MPV17L: variants seen among roughly 807,000 people sequenced by gnomAD.
The protein encoded by MPV17L is mpv17-like protein.
Under a neutral mutation model 25.8 loss-of-function variants are expected in MPV17L, and 24 were observed. The observed-to-expected ratio is 0.93, with a 90% CI of 0.67 to 1.31. The LOEUF (loss-of-function observed/expected upper bound fraction) is 1.31, where lower values mean the gene tolerates loss of function less well. Among genes scored for constraint, MPV17L ranks in the 50% most tolerant of loss-of-function variants. The pLI, the probability that MPV17L is intolerant of heterozygous loss-of-function variation, is 0.00. For synonymous variants in MPV17L, 102 were observed against 115.3 expected (o/e 0.88, Z 0.74); for missense variants, 250 against 265.6 (o/e 0.94, Z 0.41).
chr16:15,395,882 C>A lies in MPV17L; in HGVS notation c.-16C>A, dbSNP rs1451954342. The A allele has an allele frequency of 7.2e-7, 1 of 1,386,908 alleles. No individual in the cohort carries two copies. The highest frequency in any genetic ancestry group is 3.9e-5 in the Admixed American group (1 of 25,602). 85.9% of individuals were successfully genotyped at this position (1,386,908 alleles called of 1,614,324 possible). ...GACCACGCGGGCTCCTGATCGCGGGCGCCCACAGCGCGGACATGGCGGGCT... is the reference window on the plus strand; with the variant it reads ...GACCACGCGGGCTCCTGATCGCGGGAGCCCACAGCGCGGACATGGCGGGCT... On this transcript the variant is annotated 5_prime_UTR_variant, in exon 1 of 4. Coordinates refer to ENST00000396385, the MANE Select transcript of MPV17L (RefSeq NM_001128423.2).
intron 2 of MPV17L, among the ~76,000 whole-genome samples, chr16:15,401,076 ATATATATATATTTTTTT>A (rs1701937925): frequency 3.2e-5 from 1 of 31,288 alleles, no homozygotes; most frequent in African/African-American, 8.1e-5. Flanking sequence ...ATATATATAT[ATATATATATATTTTTTT>A]TTTTTTTTTT....
intron 2 of MPV17L, among the ~76,000 whole-genome samples, chr16:15,401,291 T>A (rs1164564938): frequency 6.6e-6 from 1 of 150,852 alleles, no homozygotes; most frequent in Admixed American, 6.6e-5. Flanking sequence ...TATTTTTAAA[T>A]TTTTTGGTAG....
In MPV17L at chr16:15,400,759, T is replaced by A. The variant is rs149330980; in HGVS notation, c.311-28T>A. 1,287 of 1,542,242 alleles carry A rather than the reference T, an allele frequency of 8.3e-4. 6 individuals are homozygous for A. In the African/African-American group the frequency reaches 8.4e-3, roughly 10 times the overall value. On this transcript the variant is annotated intron_variant, in intron 1 of 3. Coordinates refer to ENST00000396385, the MANE Select transcript of MPV17L (RefSeq NM_001128423.2). Reference sequence around the variant, plus strand: ...TTATACGGTACTCTACTGAATCTTTTAAAATTTTTTTTGGGTTTTGCAAAT... The same window carrying A: ...TTATACGGTACTCTACTGAATCTTTAAAAATTTTTTTTGGGTTTTGCAAAT...
intron 2 of MPV17L, among the ~76,000 whole-genome samples, chr16:15,403,462 CAGG>C (rs2050656477): frequency 6.6e-6 from 1 of 151,216 alleles, no homozygotes; most frequent in Non-Finnish European, 1.5e-5. Flanking sequence ...CACTAGAGCC[CAGG>C]AGTTTGAGAC....
chr16:15,405,861 G>A (rs1362302362), intron 2 of MPV17L, among the ~76,000 whole-genome samples: 2 of 151,288 alleles, frequency 1.3e-5, no homozygotes, highest in Admixed American at 6.6e-5. Flanking sequence ...CAACAAGAGC[G>A]AAACTCCGTC....
At chr16:15,401,045 TG>T (rs2050630429) in intron 2 of MPV17L, among the ~76,000 whole-genome samples, 188 bp downstream of exon 2, 1 of 134,622 alleles carries the variant, frequency 7.4e-6, no homozygotes, top group African/African-American at 2.7e-5. Flanking sequence ...AGGATTTTTT[TG>T]TATGTGTGTG....
At position 15,408,601 on chromosome 16, in the gene MPV17L, C is replaced by CT. The variant is rs4013478; in HGVS notation, c.*510dup. The stretch of plus-strand genomic sequence containing the variant: ...CACAATTTGTTATTTTAGTAAATAC[C>CT]TTTTTTTTTTTTTTTTTTTTTGTGG... On this transcript the variant is annotated 3_prime_UTR_variant, in exon 4 of 4. Transcript: ENST00000396385. 0.5 allele frequency: 52,837 copies of CT among 106,602 alleles called. 15,614 individuals are homozygous for CT. The highest frequency in any genetic ancestry group is 0.6 in the Non-Finnish European group (33,764 of 56,070). 6.6% of individuals were successfully genotyped at this position (106,602 alleles called of 1,614,324 possible).
In MPV17L at chr16:15,396,157, T is replaced by C. The variant is rs1349925138; in HGVS notation, c.260T>C (p.Leu87Pro). Residue 87 changes from leucine to proline, a missense_variant, in exon 1 of 4, where the codon CTG becomes CCG. Physicochemically the swap from Leu to Pro is moderately conservative, Grantham distance 98. Coordinates refer to ENST00000396385, the MANE Select transcript of MPV17L (RefSeq NM_001128423.2). ...CCGCACGCCCTGCTGGCCAAGTTGC[T>C]GTGCGACCAGGTGGTCGGTGCGCCC... The part of the protein sequence containing the change: ...RAPHALLAKL[L>P]CDQVVGAPIA... The C allele has an allele frequency of 6.5e-7, 1 of 1,550,196 alleles. No homozygotes were observed. Among genetic ancestry groups the C allele is most frequent in the Admixed American group, 2.0e-5 (1 of 51,132 alleles).
At chr16:15,407,660 T>G (rs1160070051) in intron 2 of MPV17L, among the ~76,000 whole-genome samples, 164 bp from the exon 3 acceptor site, 1 of 151,996 alleles carries the variant, frequency 6.6e-6, no homozygotes, top group South Asian at 2.1e-4. Context: ...GACAATTGCT[T>G]GAACCCAGGA....
chr16:15,406,950 T>A (rs1253326279), intron 2 of MPV17L, among the ~76,000 whole-genome samples: 2 of 150,302 alleles, frequency 1.3e-5, no homozygotes, highest in Non-Finnish European at 3.0e-5. Context: ...AATAAAATAA[T>A]TCAGCAGGAT....
rs2050743670 is a variant in MPV17L, at chr16:15,412,692, C to T, written c.*4580C>T. On this transcript the variant is annotated 3_prime_UTR_variant, in exon 4 of 4. Transcript: ENST00000396385. ...CCGGGTTCACGCCATTCTCCTGCCT[C>T]AGCCCAAGTAGCAGGGACTAAAGGC... 1 of 151,234 alleles carries T rather than the reference C, an allele frequency of 6.6e-6. No homozygotes were observed. The highest frequency in any genetic ancestry group is 2.0e-4 in the East Asian group (1 of 5,096). The allele number at this position is 151,234 out of a possible 1,614,324, so 9.4% of individuals were successfully genotyped here. A position where few individuals can be genotyped will look rare whatever the true frequency, so the allele number is the denominator to read the frequency against.
At chr16:15,406,988 A>C (rs2050686020) in intron 2 of MPV17L, among the ~76,000 whole-genome samples, 1 of 151,880 alleles carries the variant, frequency 6.6e-6, no homozygotes, top group Non-Finnish European at 1.5e-5. Flanking sequence ...TAACCCCAGC[A>C]CTTTGGGAGG....
intron 2 of MPV17L, among the ~76,000 whole-genome samples, chr16:15,406,004 TA>T (rs983938781): frequency 1.3e-5 from 2 of 151,464 alleles, no homozygotes; most frequent in African/African-American, 4.8e-5. Flanking sequence ...GCCTGGCCAA[TA>T]TCATGAAACC....
rs1213438776 is a variant in MPV17L at position 15,413,081 on chromosome 16, G to C, written c.*4969G>C. On this transcript the variant is annotated 3_prime_UTR_variant, in exon 4 of 4. Coordinates refer to ENST00000396385, the MANE Select transcript of MPV17L (RefSeq NM_001128423.2). ...TGTTTGCTAGAATGAATTATATCTAGGATATGCTTAACAATATATTCTGGA... is the reference window on the plus strand; with the variant it reads ...TGTTTGCTAGAATGAATTATATCTACGATATGCTTAACAATATATTCTGGA... The C allele has an allele frequency of 2.6e-5, 4 of 152,084 alleles. No homozygotes were observed. The highest frequency in any genetic ancestry group is 5.9e-5 in the Non-Finnish European group (4 of 68,022). The allele number at this position is 152,084 out of a possible 1,614,324, so 9.4% of individuals were successfully genotyped here. A position where few individuals can be genotyped will look rare whatever the true frequency, so the allele number is the denominator to read the frequency against.
intron 1 of MPV17L, among the ~76,000 whole-genome samples, chr16:15,397,933 A>G (rs562933870): frequency 6.6e-6 from 1 of 152,290 alleles, no homozygotes; most frequent in African/African-American, 2.4e-5. Context: ...TTTGCAGACT[A>G]GATTTGCAAA....
Position 15,396,098 on chromosome 16 carries a change from G to A in MPV17L, c.201G>A (p.Leu67=). The A allele has an allele frequency of 6.5e-7, 1 of 1,545,232 alleles. No homozygotes were observed. Among genetic ancestry groups the A allele is most frequent in the Non-Finnish European group, 8.7e-7 (1 of 1,147,144 alleles). ...ACGCCAACTTCAACTACGTGTGGCT[G>A]CGCCTGCTGGAGCGCGCGCTCCCGG... ...TFHANFNYVW[L]RLLERALPGR... The change falls in exon 1 of 4, where the codon CTG becomes CTA. Residue 67 remains leucine, a synonymous_variant. Transcript: ENST00000396385.
intron 1 of MPV17L, 29 bp from the exon 2 acceptor site, chr16:15,400,758 T>C (rs1598423667): frequency 6.5e-7 from 1 of 1,534,716 alleles, no homozygotes; most frequent in Non-Finnish European, 8.8e-7. Flanking sequence ...ACTGAATCTT[T>C]TAAAATTTTT....
intron 1 of MPV17L, among the ~76,000 whole-genome samples, chr16:15,398,257 TG>T (rs2050604266): frequency 1.3e-5 from 2 of 152,260 alleles, no homozygotes; most frequent in South Asian, 4.1e-4. Flanking sequence ...TTGGCCAGGC[TG>T]GTCTCGAACT....
At chr16:15,401,576 T>C (rs955762276) in intron 2 of MPV17L, among the ~76,000 whole-genome samples, 5 of 152,118 alleles carry the variant, frequency 3.3e-5, no homozygotes, top group Admixed American at 3.3e-4. Flanking sequence ...ATCCCAACAC[T>C]TGGGAGGCTG....
Sources: allele counts gnomAD v4.1 joint callset (sites outside exome capture counted in the v4.1 genomes callset), GRCh38; gene constraint gnomAD v4.1.1; transcripts MANE v1.5; gene names NCBI Gene and HGNC (gene_info 2026-07-23, HGNC 2026-07-21).